The following CCDC191 variants were observed in gnomAD, a reference collection of about 807,000 sequenced individuals.
CCDC191 encodes the protein coiled-coil domain-containing protein 191.
A neutral mutation model predicts 114.0 loss-of-function variants in CCDC191; 99 were observed. The observed-to-expected ratio is 0.87, with a 90% CI of 0.74 to 1.03. The LOEUF (loss-of-function observed/expected upper bound fraction) is 1.03, where lower values mean the gene tolerates loss of function less well. Ranked by LOEUF, CCDC191 falls within the 50% of genes least tolerant of loss-of-function variation. The probability of loss-of-function intolerance (pLI) is 0.00; values close to 1 mark genes in which losing one functional copy is unlikely to be tolerated. For missense variants in CCDC191, 973 were observed against 1,087.0 expected, an observed-to-expected ratio of 0.90 and a Z score of 1.47; for synonymous variants, 351 against 376.0, an observed-to-expected ratio of 0.93 and a Z score of 0.77.
intron 8 of CCDC191, 139 bp from the exon 9 acceptor site, chr3:114,011,160 A>G: frequency 1.0e-6 from 1 of 968,974 alleles, no homozygotes; most frequent in Non-Finnish European, 1.5e-6. Flanking sequence ...ATTAAGCTAA[A>G]TGAAATTGCT....
At chr3:114,020,601 C>T (rs982383425) in intron 7 of CCDC191, among the ~76,000 whole-genome samples, 5 of 151,996 alleles carry the variant, frequency 3.3e-5, no homozygotes, top group African/African-American at 1.2e-4. Context: ...TACAGCTGGC[C>T]AGGTTGAGGG....
At chr3:113,995,582 A>G (rs1243403830) in intron 13 of CCDC191, among the ~76,000 whole-genome samples, 3 of 152,202 alleles carry the variant, frequency 2.0e-5, no homozygotes, top group African/African-American at 4.8e-5. Flanking sequence ...ATAGGAGCTG[A>G]CCTAAGTAAC....
intron 8 of CCDC191, among the ~76,000 whole-genome samples, chr3:114,016,770 T>C (rs928411807): frequency 2.0e-5 from 3 of 152,206 alleles, no homozygotes; most frequent in Non-Finnish European, 4.4e-5. Context: ...AGATTCTCCT[T>C]ATACAAGTTT....
At chr3:114,012,119 T>C (rs1050425319) in intron 8 of CCDC191, among the ~76,000 whole-genome samples, 17 of 152,136 alleles carry the variant, frequency 1.1e-4, no homozygotes, top group Non-Finnish European at 2.2e-4. Context: ...ACTCAGTGAG[T>C]CAGGAGACCA....
At position 114,038,761 on chromosome 3, in the gene CCDC191, C is replaced by A. The variant is rs184152915; in HGVS notation, c.416-1975G>T. Reference sequence around the variant, plus strand: ...CATGGATGGAGCTGGAAGCCATCATCCTCAGCAAACTAACGCAGGAACAGA... The same window carrying A: ...CATGGATGGAGCTGGAAGCCATCATACTCAGCAAACTAACGCAGGAACAGA... On this transcript the variant is annotated intron_variant, in intron 4 of 16. Coordinates refer to ENST00000295878, the MANE Select transcript of CCDC191 (RefSeq NM_020817.2). Among the ~76,000 whole-genome samples the A allele has an allele frequency of 3.0e-3, 452 of 152,292 alleles. 3 individuals carry two copies. The highest frequency in any genetic ancestry group is 8.9e-3 in the Admixed American group (136 of 15,292).
Position 113,964,983 on chromosome 3 carries a change from A to G in CCDC191, c.*172T>C. ...ATAAATGCTATAGTGAATGACTAGC[A>G]ATCCAGGAAAAGTCAAAGAAGGGAA... On this transcript the variant is annotated 3_prime_UTR_variant, in exon 17 of 17. Transcript: ENST00000295878. The G allele has an allele frequency of 2.3e-6, 1 of 432,980 alleles. No individual in the cohort carries two copies. The highest frequency in any genetic ancestry group is 7.1e-5 in the South Asian group (1 of 14,048). 26.8% of individuals were successfully genotyped at this position (432,980 alleles called of 1,614,324 possible).
intron 7 of CCDC191, among the ~76,000 whole-genome samples, chr3:114,026,024 T>C (rs1318018604): frequency 1.3e-5 from 2 of 152,200 alleles, no homozygotes; most frequent in African/African-American, 4.8e-5. Context: ...TTCTACTCTA[T>C]ACAATTTTAG....
chr3:114,011,107 G>A, intron 8 of CCDC191, 86 bp from the exon 9 acceptor site: 3 of 1,424,112 alleles, frequency 2.1e-6, no homozygotes, highest in East Asian at 2.3e-5. Context: ...AGTCCAAAAG[G>A]GTTCTAGAAA....
intron 15 of CCDC191, chr3:113,978,604 A>G: frequency 3.4e-6 from 2 of 587,552 alleles, no homozygotes; most frequent in Admixed American, 3.3e-5. Context: ...AGAAATGACT[A>G]TAAAAACAAA....
intron 2 of CCDC191, among the ~76,000 whole-genome samples, chr3:114,050,506 G>C (rs1308527404): frequency 1.3e-5 from 2 of 152,222 alleles, no homozygotes; most frequent in Non-Finnish European, 2.9e-5. Context: ...GGAGGTGGAG[G>C]TAGGTAAGGG....
At chr3:114,048,651 T>G (rs1458690113) in intron 2 of CCDC191, among the ~76,000 whole-genome samples, 1 of 152,194 alleles carries the variant, frequency 6.6e-6, no homozygotes, top group Middle Eastern at 3.2e-3. Context: ...ACCTTCCCAG[T>G]AAGGCCTTCT....
intron 13 of CCDC191, among the ~76,000 whole-genome samples, chr3:113,990,931 C>CAA (rs35483860): frequency 0.01 from 484 of 47,030 alleles, no homozygotes; most frequent in Middle Eastern, 0.019. Flanking sequence ...TAAAGCACCT[C>CAA]AAAAAAAAAA....
At chr3:114,052,352 T>A in intron 2 of CCDC191, among the ~76,000 whole-genome samples, 1 of 152,150 alleles carries the variant, frequency 6.6e-6, no homozygotes, top group South Asian at 2.1e-4. Context: ...TTTAGTTAAA[T>A]CTTTGCCTCT....
chr3:114,006,897 C>A (rs1428202870), intron 9 of CCDC191, among the ~76,000 whole-genome samples: 2 of 151,790 alleles, frequency 1.3e-5, no homozygotes, highest in Non-Finnish European at 2.9e-5. Flanking sequence ...TATTCCTGAA[C>A]TATCTATGGG....
chr3:114,034,908 T>G lies in CCDC191; in HGVS notation c.818+17A>C. 2 of 1,607,584 alleles carry G rather than the reference T, an allele frequency of 1.2e-6. No homozygotes were observed. The highest frequency in any genetic ancestry group is 4.5e-5 in the East Asian group (2 of 44,852). On this transcript the variant is annotated intron_variant, in intron 6 of 16. Coordinates refer to ENST00000295878, the MANE Select transcript of CCDC191 (RefSeq NM_020817.2). Reference sequence around the variant, plus strand: ...CTTAAACAGAGAAACCCCACAGTGCTTATCACACTGGCTTACATTTTCCAT... The same window carrying G: ...CTTAAACAGAGAAACCCCACAGTGCGTATCACACTGGCTTACATTTTCCAT...
chr3:114,002,510 A>G lies in CCDC191; in HGVS notation c.2007T>C (p.Ala669=), dbSNP rs748447916. The change falls in exon 12 of 17, where the codon GCT becomes GCC. Residue 669 remains alanine (A), a synonymous_variant. Transcript: ENST00000295878. The part of the protein sequence containing the change: ...KAMEERAIQR[A]ECRRILAEKK... ...TCTCTGCCAAGATCCGCCTACATTC[A>G]GCTCGTTGAATTGCTCTCTCTTCCA... 7 of 1,611,182 alleles carry G rather than the reference A, an allele frequency of 4.3e-6. No homozygotes were observed. The Admixed American group carries it at 1.2e-4, about 27-fold the overall frequency.
chr3:114,053,168 C>T (rs928730095), intron 2 of CCDC191, among the ~76,000 whole-genome samples: 14 of 152,182 alleles, frequency 9.2e-5, no homozygotes, highest in African/African-American at 3.4e-4. Flanking sequence ...TATAAGAACA[C>T]CCAGTCCACT....
intron 8 of CCDC191, among the ~76,000 whole-genome samples, chr3:114,017,041 T>A (rs1381867391): frequency 1.3e-5 from 2 of 151,950 alleles, no homozygotes; most frequent in Non-Finnish European, 2.9e-5. Context: ...TCTCCCAGCA[T>A]ATCATAGGAA....
intron 1 of CCDC191, 56 bp from the exon 2 acceptor site, chr3:114,053,691 C>T: frequency 8.3e-7 from 1 of 1,209,882 alleles, no homozygotes. Context: ...TCAACTTTGC[C>T]ATTTAAATCT....
Sources: gnomAD v4.1 joint callset for allele counts (sites outside exome capture counted in the v4.1 genomes callset) on GRCh38, gnomAD v4.1.1 for gene constraint, MANE v1.5 for transcripts, NCBI Gene and HGNC (gene_info 2026-07-23, HGNC 2026-07-21) for gene names.